Variants in AASDH observed in about 807,000 individuals in gnomAD.
AASDH encodes the protein beta-alanine-activating enzyme.
A neutral mutation model predicts 102.3 loss-of-function variants in AASDH; 81 were observed. The ratio of observed to expected loss-of-function variants is 0.79; its 90% CI spans 0.66 to 0.95. The LOEUF (loss-of-function observed/expected upper bound fraction) is 0.95. AASDH is among the 40% of genes least tolerant of loss of function. The pLI is 0.00. For synonymous variants in AASDH, 398 were observed against 454.0 expected (o/e 0.88, Z 1.57); for missense variants, 1,203 against 1,266.2 (o/e 0.95, Z 0.76).
Position 56,366,734 on chromosome 4 carries a change from G to A in AASDH, c.861+4717C>T, listed in dbSNP as rs548272492. Among the ~76,000 whole-genome samples the A allele has an allele frequency of 2.0e-5, 3 of 150,952 alleles. No individual in the cohort carries two copies. In the South Asian group the frequency reaches 6.4e-4, roughly 32 times the overall value. On this transcript the variant is annotated intron_variant, in intron 5 of 14. Transcript: ENST00000205214. Reference sequence around the variant, plus strand: ...TGGGACGTATCTCAAAATAATAAGAGCTATCTATGACAAACCCACAGCCAA... The same window carrying A: ...TGGGACGTATCTCAAAATAATAAGAACTATCTATGACAAACCCACAGCCAA...
In AASDH at chr4:56,382,565, A is replaced by G; in HGVS notation, c.263T>C (p.Ile88Thr). The G allele has an allele frequency of 6.2e-7, 1 of 1,612,742 alleles. No individual in the cohort carries two copies. The change falls in exon 3 of 15, where the codon ATC becomes ACC. Residue 88 changes from isoleucine to threonine, a missense_variant. Coordinates refer to ENST00000205214, the MANE Select transcript of AASDH (RefSeq NM_181806.4). ...TAATGACGGTGGTGAATCTGGCTCG[A>G]TAGGTACATAAGCAGCCGGGACTTG... ...ILQVPAAYVPIEPDSPPSLST... is the reference protein window; with the variant it reads ...ILQVPAAYVPTEPDSPPSLST...
intron 4 of AASDH, 53 bp from the exon 5 acceptor site, chr4:56,371,696 A>G (rs1751733373): frequency 1.4e-6 from 2 of 1,480,798 alleles, no homozygotes; most frequent in African/African-American, 1.4e-5. Flanking sequence ...CAGTAAGCAC[A>G]TATCCTAAAA....
Position 56,371,502 on chromosome 4 carries a change from T to C in AASDH, c.810A>G (p.Pro270=). The C allele has an allele frequency of 1.2e-6, 2 of 1,613,134 alleles. No individual in the cohort carries two copies. The highest frequency in any genetic ancestry group is 2.2e-5 in the East Asian group (1 of 44,840). The change falls in exon 5 of 15, where the codon CCA becomes CCG. Residue 270 remains proline (P), a synonymous_variant. Transcript: ENST00000205214. ...AAAAGAGAACGCTGGCTAATTTTGA[T>C]GGGAGCAACTTGACGGAAGTTGGTA... ...LIVPTSVKLL[P]SKLASVLFSH... is the part of the protein sequence containing the mutation.
intron 5 of AASDH, chr4:56,357,066 A>G: frequency 3.3e-6 from 1 of 298,886 alleles, no homozygotes; most frequent in South Asian, 5.4e-5. Flanking sequence ...CTGACATATA[A>G]TAAACTATTT....
intron 3 of AASDH, among the ~76,000 whole-genome samples, chr4:56,379,077 C>T (rs558748836): frequency 6.6e-6 from 1 of 151,780 alleles, no homozygotes; most frequent in African/African-American, 2.4e-5. Flanking sequence ...TTAGCAGAGA[C>T]GGGGTTTCAC....
chr4:56,355,414 T>C lies in AASDH; in HGVS notation c.871A>G (p.Thr291Ala). The C allele has an allele frequency of 6.2e-7, 1 of 1,613,656 alleles. No homozygotes were observed. Among genetic ancestry groups the C allele is most frequent in the South Asian group, 1.1e-5 (1 of 91,050 alleles). The change falls in exon 6 of 15, where the codon ACA (threonine) becomes GCA (alanine). Residue 291 changes from threonine to alanine, a missense_variant. Thr to Ala is a moderately conservative substitution (Grantham distance 58). Transcript: ENST00000205214. Reference sequence around the variant, plus strand: ...TGAGATCCAAATCTTCTAAGCAATGTTGGTGTTGCCTGTAGATACATTAAA... The same window carrying C: ...TGAGATCCAAATCTTCTAAGCAATGCTGGTGTTGCCTGTAGATACATTAAA... The part of the protein sequence containing the change: ...HRVTVLQATP[T>A]LLRRFGSQLI...
At chr4:56,362,259 T>TG (rs1014371690) in intron 5 of AASDH, among the ~76,000 whole-genome samples, 38 of 152,186 alleles carry the variant, frequency 2.5e-4, no homozygotes, top group Non-Finnish European at 3.8e-4. Flanking sequence ...ACAGCTTTTT[T>TG]TTTCTTTGTT....
In AASDH at chr4:56,371,461, G is replaced by C; in HGVS notation, c.851C>G (p.Thr284Ser). 1 of 1,600,748 alleles carries C rather than the reference G, an allele frequency of 6.2e-7. No homozygotes were observed. Among genetic ancestry groups the C allele is most frequent in the East Asian group, 2.2e-5 (1 of 44,722 alleles). Reference protein sequence around the residue: ...ASVLFSHHRVTVLQATPTLLR... With the variant: ...ASVLFSHHRVSVLQATPTLLR... ...GCTACTAAAATGTACCTGCAAAACAGTCACTCTATGATGGGAAAAGAGAAC... is the reference window on the plus strand; with the variant it reads ...GCTACTAAAATGTACCTGCAAAACACTCACTCTATGATGGGAAAAGAGAAC... The change falls in exon 5 of 15, where the codon ACT (threonine) becomes AGT (serine). Residue 284 changes from threonine (T) to serine (S), a missense_variant. Coordinates refer to ENST00000205214, the MANE Select transcript of AASDH (RefSeq NM_181806.4).
At chr4:56,342,705 G>T in intron 14 of AASDH, 130 bp downstream of exon 14, 1 of 273,268 alleles carries the variant, frequency 3.7e-6, no homozygotes, top group Non-Finnish European at 6.1e-6. Context: ...CATCTGCTTT[G>T]CCTTTAAGAA....
In AASDH at chr4:56,349,514, G is replaced by C. The variant is rs1367619811; in HGVS notation, c.2237C>G (p.Pro746Arg). The change falls in exon 11 of 15, where the codon CCT becomes CGT. Residue 746 changes from proline (P) to arginine (R), a missense_variant. Physicochemically the swap from Pro to Arg is moderately radical, Grantham distance 103 (BLOSUM62 -2). Transcript: ENST00000205214. ...CVAKVSEEGK[P>R]AIGTQKMELH... ...CTCCATTTTCTGAGTCCCTATCGCA[G>C]GTTTCCCCTCTTCAGAAACTTTTGC... The C allele has an allele frequency of 6.2e-7, 1 of 1,614,044 alleles. No homozygotes were observed. The highest frequency in any genetic ancestry group is 8.5e-7 in the Non-Finnish European group (1 of 1,180,032).
rs35451510 is a variant in AASDH, at chr4:56,338,310, CTTCT to C, written c.*88_*91del. 5 of 1,360,690 alleles carry C rather than the reference CTTCT, an allele frequency of 3.7e-6. No homozygotes were observed. In the African/African-American group the frequency reaches 4.4e-5, roughly 12 times the overall value. The allele number at this position is 1,360,690 out of a possible 1,614,324, so 84.3% of individuals were successfully genotyped here. Reference sequence around the variant, plus strand: ...TTCCGTTTCTTAGCCAAAATATAATCTTCTTTAATATAAAATAAGTCCACATGAT... The same window carrying C: ...TTCCGTTTCTTAGCCAAAATATAATCTTAATATAAAATAAGTCCACATGAT... On this transcript the variant is annotated 3_prime_UTR_variant, in exon 15 of 15. Transcript: ENST00000205214.
In AASDH at chr4:56,338,675, A is replaced by ACCTT; in HGVS notation, c.3020_3023dup (p.His1009ArgfsTer8). The ACCTT allele has an allele frequency of 6.2e-7, 1 of 1,614,200 alleles. No individual in the cohort carries two copies. The highest frequency in any genetic ancestry group is 8.5e-7 in the Non-Finnish European group (1 of 1,180,040). On this transcript the variant is annotated frameshift_variant, in exon 15 of 15. Transcript: ENST00000205214. LOFTEE classifies it high-confidence loss of function. Reference sequence around the variant, plus strand: ...TAGTTTCAAATTTCCACTGCAGGTGACCTTTCATGTTACAACAGTAGATAA... The same window carrying ACCTT: ...TAGTTTCAAATTTCCACTGCAGGTGACCTTCCTTTCATGTTACAACAGTAGATAA...
chr4:56,374,107 C>T (rs999218353), intron 4 of AASDH, among the ~76,000 whole-genome samples: 11 of 151,950 alleles, frequency 7.2e-5, no homozygotes, highest in East Asian at 5.8e-4. Flanking sequence ...AGGCTGGGCG[C>T]GGTGGCTCAC....
In AASDH at chr4:56,374,367, C is replaced by CAAAAAA. The variant is rs752531940; in HGVS notation, c.669-2725_669-2724insTTTTTT. Among the ~76,000 whole-genome samples the CAAAAAA allele has an allele frequency of 7.3e-3, 799 of 110,114 alleles. 45 individuals carry two copies. The highest frequency in any genetic ancestry group is 0.025 in the African/African-American group (748 of 29,950). 72.2% of individuals were successfully genotyped at this position (110,114 alleles called of 152,430 possible). A position where few individuals can be genotyped will look rare whatever the true frequency, so the allele number is the denominator to read the frequency against. ...TGGGTGACAGAGTGAGACTCTGTCT[C>CAAAAAA]AGAAAAAAAAAAAAAAAAAAAAAGG... On this transcript the variant is annotated intron_variant, in intron 4 of 14. Transcript: ENST00000205214.
At chr4:56,369,168 T>C (rs1166872451) in intron 5 of AASDH, among the ~76,000 whole-genome samples, 1 of 152,142 alleles carries the variant, frequency 6.6e-6, no homozygotes, top group Admixed American at 6.5e-5. Flanking sequence ...AAAAATTTGA[T>C]CCCAAAAAGG....
chr4:56,338,433 C>A lies in AASDH; in HGVS notation c.3266G>T (p.Cys1089Phe), dbSNP rs1401813809. 7.4e-6 allele frequency: 12 copies of A among 1,613,608 alleles called. No individual in the cohort carries two copies. The highest frequency in any genetic ancestry group is 1.0e-5 in the Non-Finnish European group (12 of 1,179,838). The change falls in exon 15 of 15, where the codon TGT becomes TTT. Residue 1089 changes from cysteine (C) to phenylalanine (F), a missense_variant. Coordinates refer to ENST00000205214, the MANE Select transcript of AASDH (RefSeq NM_181806.4). ...TTGATTGCCACCCAATAAATCCAGA[C>A]AATAAACATAATTATCTCTACACCC... is the stretch of plus-strand genomic sequence containing the variant. ...IIGCRDNYVY[C>F]LDLLGGNQK
intron 5 of AASDH, among the ~76,000 whole-genome samples, chr4:56,365,508 T>C (rs1275684757): frequency 1.3e-5 from 2 of 151,908 alleles, no homozygotes; most frequent in Non-Finnish European, 2.9e-5. Flanking sequence ...ACAGAAATTA[T>C]AACAAACTGT....
At chr4:56,382,411 G>A (rs76949390) in intron 3 of AASDH, 66 bp downstream of exon 3, 39,535 of 1,415,804 alleles carry the variant, frequency 0.028, 688 homozygotes, top group South Asian at 0.044. Flanking sequence ...GATGGGAGAA[G>A]GAAGGAATGT....
At chr4:56,356,977 A>G (rs2109907874) in intron 5 of AASDH, 1 of 447,458 alleles carries the variant, frequency 2.2e-6, no homozygotes, top group Non-Finnish European at 4.0e-6. Context: ...TTAAAATAAT[A>G]GAAATTTTCC....
Sources: allele counts gnomAD v4.1 joint callset (sites outside exome capture counted in the v4.1 genomes callset), GRCh38; gene constraint gnomAD v4.1.1; transcripts MANE v1.5; gene names NCBI Gene and HGNC (gene_info 2026-07-23, HGNC 2026-07-21).